The following CNTNAP2 variants were observed in gnomAD, a reference collection of about 807,000 sequenced individuals.
CNTNAP2 encodes the protein contactin-associated protein-like 2.
CNTNAP2 carries 98 observed loss-of-function variants against 155.2 expected under a neutral mutation model. That is an observed-to-expected ratio of 0.63 (90% CI 0.54 to 0.75). The LOEUF (loss-of-function observed/expected upper bound fraction) is 0.75, where lower values mean the gene tolerates loss of function less well. CNTNAP2 is among the 30% of genes least tolerant of loss of function. The pLI, the probability that CNTNAP2 is intolerant of heterozygous loss-of-function variation, is 0.00. For synonymous variants in CNTNAP2, 651 were observed against 631.2 expected, an observed-to-expected ratio of 1.03 and a Z score of -0.47; for missense variants, 1,727 against 1,688.1, an observed-to-expected ratio of 1.02 and a Z score of -0.40.
chr7:148,022,902 A>C (rs1802309856), intron 15 of CNTNAP2, among the ~76,000 whole-genome samples: 1 of 152,018 alleles, frequency 6.6e-6, no homozygotes, highest in Non-Finnish European at 1.5e-5. Flanking sequence ...TGAAATCTGA[A>C]TATAAAACAG....
intron 13 of CNTNAP2, among the ~76,000 whole-genome samples, chr7:147,762,686 A>G (rs1439307485): frequency 6.6e-6 from 1 of 150,526 alleles, no homozygotes; most frequent in Non-Finnish European, 1.5e-5. Context: ...TGCATACATA[A>G]CTAAACACTG....
chr7:147,178,959 G>A (rs1335450048), intron 8 of CNTNAP2, among the ~76,000 whole-genome samples: 1 of 152,094 alleles, frequency 6.6e-6, no homozygotes, highest in Non-Finnish European at 1.5e-5. Flanking sequence ...TAAAGCAGGG[G>A]TCTTTCATTT....
At chr7:146,687,829 T>C (rs1216503574) in intron 1 of CNTNAP2, among the ~76,000 whole-genome samples, 1 of 152,178 alleles carries the variant, frequency 6.6e-6, no homozygotes, top group East Asian at 1.9e-4. Context: ...ATCTGTTGTT[T>C]ATAGGATAAG....
intron 8 of CNTNAP2, among the ~76,000 whole-genome samples, chr7:147,211,341 T>G (rs1387915802): frequency 6.6e-6 from 1 of 152,014 alleles, no homozygotes; most frequent in Non-Finnish European, 1.5e-5. Flanking sequence ...TTTATGACAG[T>G]TACGTCTTCT....
chr7:146,455,883 C>G (rs1796547515), intron 1 of CNTNAP2, among the ~76,000 whole-genome samples: 1 of 151,950 alleles, frequency 6.6e-6, no homozygotes, highest in Non-Finnish European at 1.5e-5. Flanking sequence ...AAAAATCGTA[C>G]AAGAGTAACC....
At position 146,595,788 on chromosome 7, in the gene CNTNAP2, A is replaced by G. The variant is rs149800479; in HGVS notation, c.98-178483A>G. Among the ~76,000 whole-genome samples, 91 of 152,178 alleles carry G rather than the reference A, an allele frequency of 6.0e-4. 3 individuals are homozygous for G. In the East Asian group the frequency reaches 0.015, roughly 25 times the overall value. On this transcript the variant is annotated intron_variant, in intron 1 of 23. Transcript: ENST00000361727. Reference sequence around the variant, plus strand: ...AGAGCAGTATCTTAATTTCATATACATAAATCAAAGTTGTTTCTGGACAGC... The same window carrying G: ...AGAGCAGTATCTTAATTTCATATACGTAAATCAAAGTTGTTTCTGGACAGC...
intron 3 of CNTNAP2, among the ~76,000 whole-genome samples, chr7:146,943,820 C>T (rs931599083): frequency 6.6e-6 from 1 of 152,110 alleles, no homozygotes; most frequent in Admixed American, 6.5e-5. Flanking sequence ...AAATTACTTA[C>T]TACTGCAATA....
chr7:147,120,888 GC>G, intron 5 of CNTNAP2, 90 bp from the exon 6 acceptor site: 1 of 1,175,794 alleles, frequency 8.5e-7, no homozygotes. Flanking sequence ...TGGAATGTCA[GC>G]CTCTAGGTGC....
chr7:147,267,614 G>C (rs140963867), intron 8 of CNTNAP2, among the ~76,000 whole-genome samples: 57 of 152,028 alleles, frequency 3.7e-4, no homozygotes, highest in Non-Finnish European at 7.2e-4. Flanking sequence ...CTATGGACTT[G>C]GTGAGGGCAG....
chr7:147,952,041 A>G (rs1000954098), intron 14 of CNTNAP2, among the ~76,000 whole-genome samples: 2 of 152,002 alleles, frequency 1.3e-5, no homozygotes, highest in African/African-American at 4.8e-5. Context: ...TAATAGGTAA[A>G]TGTTAGATGA....
chr7:146,727,008 G>A (rs545110852), intron 1 of CNTNAP2, among the ~76,000 whole-genome samples: 1 of 152,114 alleles, frequency 6.6e-6, no homozygotes, highest in East Asian at 1.9e-4. Context: ...ATAGGGATAA[G>A]GAAGAGATTG....
chr7:146,970,008 T>C (rs914617002), intron 3 of CNTNAP2, among the ~76,000 whole-genome samples: 18 of 152,204 alleles, frequency 1.2e-4, no homozygotes, highest in Non-Finnish European at 2.6e-4. Context: ...GCTAGCCATA[T>C]GTAGAAAGCT....
At chr7:147,571,543 T>C (rs141027802) in intron 12 of CNTNAP2, among the ~76,000 whole-genome samples, 2 of 152,094 alleles carry the variant, frequency 1.3e-5, no homozygotes, top group African/African-American at 4.8e-5. Flanking sequence ...AGTCTTAAAC[T>C]GAATCTAACA....
chr7:146,549,193 G>A (rs904854591), intron 1 of CNTNAP2, among the ~76,000 whole-genome samples: 5 of 151,726 alleles, frequency 3.3e-5, no homozygotes, highest in African/African-American at 1.2e-4. Flanking sequence ...TCTGAGAGAT[G>A]CATATGCTTA....
rs1799018477 is a variant in CNTNAP2, at chr7:147,855,378, T to C, written c.2099-48187T>C. Among the ~76,000 whole-genome samples, 6 of 152,160 alleles carry C rather than the reference T, an allele frequency of 3.9e-5. No homozygotes were observed. The South Asian group carries it at 1.2e-3, about 32-fold the overall frequency. On this transcript the variant is annotated intron_variant, in intron 13 of 23. Transcript: ENST00000361727. ...CTTACATTGCCAGGTGTTTGTTTCT[T>C]CTCAGACCTAGGATTACTGAGCTCT... is the stretch of plus-strand genomic sequence containing the variant.
intron 15 of CNTNAP2, among the ~76,000 whole-genome samples, chr7:148,073,563 G>A (rs1470246883): frequency 6.6e-6 from 1 of 152,146 alleles, no homozygotes; most frequent in Non-Finnish European, 1.5e-5. Context: ...TAGAGGTATT[G>A]CAGTGCTTCC....
intron 1 of CNTNAP2, among the ~76,000 whole-genome samples, chr7:146,462,419 T>C (rs775932391): frequency 2.0e-5 from 3 of 152,206 alleles, no homozygotes; most frequent in African/African-American, 4.8e-5. Context: ...CACAGCCACA[T>C]TCTCCCCCTT....
chr7:148,040,585 AC>A (rs552084940), intron 15 of CNTNAP2, among the ~76,000 whole-genome samples: 163 of 152,166 alleles, frequency 1.1e-3, no homozygotes, highest in Non-Finnish European at 2.0e-3. Context: ...CCTATCCCAC[AC>A]CCCGCCTTTT....
chr7:146,959,291 G>A (rs62483967), intron 3 of CNTNAP2, among the ~76,000 whole-genome samples: 1 of 152,070 alleles, frequency 6.6e-6, no homozygotes, highest in Non-Finnish European at 1.5e-5. Flanking sequence ...GTGAGCCACC[G>A]CGCCAGGCCT....
Sources: gnomAD v4.1 joint callset for allele counts (sites outside exome capture counted in the v4.1 genomes callset) on GRCh38, gnomAD v4.1.1 for gene constraint, MANE v1.5 for transcripts, NCBI Gene and HGNC (gene_info 2026-07-23, HGNC 2026-07-21) for gene names.